Variants in COG5 observed in about 807,000 individuals in gnomAD.
COG5 encodes the protein component of oligomeric golgi complex 5.
A neutral mutation model predicts 110.4 loss-of-function variants in COG5; 86 were observed. That is an observed-to-expected ratio of 0.78 (90% CI 0.65 to 0.93). COG5 has a LOEUF of 0.93. COG5 is among the 40% of genes least tolerant of loss of function. The pLI is 0.00. For synonymous variants in COG5, 360 were observed against 334.6 expected, an observed-to-expected ratio of 1.08 and a Z score of -0.83; for missense variants, 1,077 against 987.0, an observed-to-expected ratio of 1.09 and a Z score of -1.22.
intron 11 of COG5, among the ~76,000 whole-genome samples, chr7:107,304,007 A>G (rs1584649218): frequency 6.6e-6 from 1 of 152,328 alleles, no homozygotes; most frequent in South Asian, 2.1e-4. Flanking sequence ...ACTCACATTA[A>G]ACAACCTAAT....
At chr7:107,550,297 T>C (rs867415969) in intron 3 of COG5, among the ~76,000 whole-genome samples, 14 of 151,536 alleles carry the variant, frequency 9.2e-5, no homozygotes, top group South Asian at 2.1e-4. Flanking sequence ...ACTATTCTAA[T>C]AGCTTCCAAA....
At position 107,505,680 on chromosome 7, in the gene COG5, G is replaced by C. The variant is rs538743962; in HGVS notation, c.538+21557C>G. Among the ~76,000 whole-genome samples, 81 of 152,308 alleles carry C rather than the reference G, an allele frequency of 5.3e-4. 1 individual carries two copies. Among genetic ancestry groups the C allele is most frequent in the Admixed American group, 1.2e-3 (19 of 15,308 alleles). ...GACTTTCCTTGCTGAGCCCAGCATG[G>C]CAACTGTATTTCTCCTGAAAGAAAC... On this transcript the variant is annotated intron_variant, in intron 6 of 21. Coordinates refer to ENST00000297135, the MANE Select transcript of COG5 (RefSeq NM_006348.5).
At chr7:107,463,341 G>A (rs2129102499) in intron 6 of COG5, among the ~76,000 whole-genome samples, 1 of 152,292 alleles carries the variant, frequency 6.6e-6, no homozygotes, top group South Asian at 2.1e-4. Flanking sequence ...CTGGGAAATG[G>A]TTGAGTTCTC....
chr7:107,475,797 A>G (rs1250403717), intron 6 of COG5: 1 of 166,558 alleles, frequency 6.0e-6, no homozygotes, highest in African/African-American at 2.4e-5. Context: ...AACCAAAATT[A>G]TGGGCTCAAA....
rs1049829654 is a variant in COG5, at chr7:107,207,947, T to C, written c.2375+2579A>G. On this transcript the variant is annotated intron_variant, in intron 21 of 21. Coordinates refer to ENST00000297135, the MANE Select transcript of COG5 (RefSeq NM_006348.5). ...ACATATTATGCTGGGAGGAACAGAA[T>C]GAGTATACAACAAGGTTTGCCCCAG... The C allele has an allele frequency of 4.1e-6, 4 of 985,444 alleles. No individual in the cohort carries two copies. The South Asian group carries it at 1.4e-4, about 35-fold the overall frequency. 61.0% of individuals were successfully genotyped at this position (985,444 alleles called of 1,614,324 possible).
chr7:107,547,928 A>G (rs1158618690), intron 5 of COG5, 183 bp downstream of exon 5: 4 of 614,652 alleles, frequency 6.5e-6, no homozygotes, highest in African/African-American at 1.9e-5. Flanking sequence ...CAGTGAAAAG[A>G]ATTTGCTTTA....
intron 11 of COG5, among the ~76,000 whole-genome samples, chr7:107,321,042 G>C (rs1457206835): frequency 1.3e-5 from 2 of 152,078 alleles, no homozygotes; most frequent in Non-Finnish European, 2.9e-5. Context: ...TTTTACATTT[G>C]CTTTCTTTTA....
At chr7:107,365,236 G>T (rs1459252006) in intron 8 of COG5, among the ~76,000 whole-genome samples, 1 of 152,012 alleles carries the variant, frequency 6.6e-6, no homozygotes, top group Non-Finnish European at 1.5e-5. Flanking sequence ...GTTCCTCATA[G>T]ATATAATACT....
chr7:107,519,296 A>G (rs1221531297), intron 6 of COG5, among the ~76,000 whole-genome samples: 1 of 152,212 alleles, frequency 6.6e-6, no homozygotes, highest in Non-Finnish European at 1.5e-5. Context: ...GAAATGACTA[A>G]GATCAGAGCA....
intron 10 of COG5, among the ~76,000 whole-genome samples, chr7:107,353,477 C>T (rs185411410): frequency 2.0e-5 from 3 of 148,982 alleles, no homozygotes; most frequent in African/African-American, 7.4e-5. Flanking sequence ...AAATAATATT[C>T]AACGTTAAAA....
intron 19 of COG5, among the ~76,000 whole-genome samples, chr7:107,216,749 G>C (rs1562916480): frequency 6.6e-6 from 1 of 152,096 alleles, no homozygotes; most frequent in African/African-American, 2.4e-5. Flanking sequence ...TACAGCAAAA[G>C]CAGTTCTAAG....
chr7:107,483,627 C>T (rs1008971886), intron 6 of COG5, among the ~76,000 whole-genome samples: 3 of 151,850 alleles, frequency 2.0e-5, no homozygotes, highest in Non-Finnish European at 4.4e-5. Flanking sequence ...TCGCTTGAAC[C>T]TGGGAGGCAA....
chr7:107,271,386 C>T (rs932159383), intron 14 of COG5, among the ~76,000 whole-genome samples: 2 of 152,026 alleles, frequency 1.3e-5, no homozygotes, highest in African/African-American at 4.8e-5. Flanking sequence ...GAATCAACCC[C>T]CTTATAATAC....
At chr7:107,522,367 C>T (rs1050676452) in intron 6 of COG5, among the ~76,000 whole-genome samples, 2 of 152,266 alleles carry the variant, frequency 1.3e-5, no homozygotes, top group African/African-American at 2.4e-5. Flanking sequence ...ACTCAGGAGG[C>T]TGAGGCAAGA....
At chr7:107,275,972 T>C (rs1368531080) in intron 14 of COG5, among the ~76,000 whole-genome samples, 1 of 152,184 alleles carries the variant, frequency 6.6e-6, no homozygotes, top group Non-Finnish European at 1.5e-5. Flanking sequence ...ATAAAGTGTA[T>C]ATTTACAAAG....
intron 6 of COG5, among the ~76,000 whole-genome samples, chr7:107,520,406 G>A (rs1800244189): frequency 6.6e-6 from 1 of 152,146 alleles, no homozygotes; most frequent in Non-Finnish European, 1.5e-5. Context: ...CATAGTCTCA[G>A]CCCAAAAACT....
At chr7:107,412,411 A>T in intron 7 of COG5, 91 bp downstream of exon 7, 1 of 1,207,154 alleles carries the variant, frequency 8.3e-7, no homozygotes. Context: ...TATTACTATA[A>T]GACATATATT....
intron 6 of COG5, among the ~76,000 whole-genome samples, chr7:107,438,446 T>G (rs1037469632): frequency 2.0e-5 from 3 of 152,200 alleles, no homozygotes; most frequent in Non-Finnish European, 4.4e-5. Flanking sequence ...GTCAAAACGT[T>G]ATATAAGCCA....
At chr7:107,374,627 A>T (rs1206247038) in intron 7 of COG5, among the ~76,000 whole-genome samples, 5 of 152,026 alleles carry the variant, frequency 3.3e-5, no homozygotes, top group African/African-American at 4.8e-5. Flanking sequence ...TTCTCAAAAC[A>T]TGTTTGAAAA....
Sources: gnomAD v4.1 joint callset for allele counts (sites outside exome capture counted in the v4.1 genomes callset) on GRCh38, gnomAD v4.1.1 for gene constraint, MANE v1.5 for transcripts, NCBI Gene and HGNC (gene_info 2026-07-23, HGNC 2026-07-21) for gene names.